FRRS1: variants seen among roughly 807,000 people sequenced by gnomAD.
FRRS1 encodes ferric reductase 1.
A neutral mutation model predicts 70.7 loss-of-function variants in FRRS1; 51 were observed. That is an observed-to-expected ratio of 0.72 (90% CI 0.58 to 0.91). The LOEUF (loss-of-function observed/expected upper bound fraction) is 0.91. FRRS1 is among the 40% of genes least tolerant of loss of function. The pLI is 0.00. For synonymous variants in FRRS1, 225 were observed against 238.7 expected (o/e 0.94, Z 0.53); for missense variants, 672 against 726.0 (o/e 0.93, Z 0.86).
Position 99,704,572 on chromosome 1 carries a change from G to A in FRRS1, c.*4456C>T, listed in dbSNP as rs1346802023. ...GAGGACAGGCACCCCTGCCTTCAGC[G>A]CCCAAATGTTGCATTTCCTAAGACC... is the stretch of plus-strand genomic sequence containing the variant. On this transcript the variant is annotated 3_prime_UTR_variant, in exon 17 of 17. Coordinates refer to ENST00000646001, the MANE Select transcript of FRRS1 (RefSeq NM_001361041.2). Among the ~76,000 whole-genome samples, 1 of 152,104 alleles carries A rather than the reference G, an allele frequency of 6.6e-6. No homozygotes were observed. The highest frequency in any genetic ancestry group is 1.5e-5 in the Non-Finnish European group (1 of 68,030).
At chr1:99,730,825 C>T (rs985885518) in intron 7 of FRRS1, among the ~76,000 whole-genome samples, 1 of 150,086 alleles carries the variant, frequency 6.7e-6, no homozygotes, top group African/African-American at 2.5e-5. Context: ...CGAGATCGCG[C>T]CACTGCACTC....
intron 1 of FRRS1, among the ~76,000 whole-genome samples, chr1:99,757,489 C>T (rs1435723809): frequency 6.6e-6 from 1 of 152,160 alleles, no homozygotes; most frequent in African/African-American, 2.4e-5. Context: ...TCACTTCATT[C>T]CATTTGTGAG....
At chr1:99,732,913 A>G (rs1655467753) in intron 7 of FRRS1, among the ~76,000 whole-genome samples, 1 of 151,354 alleles carries the variant, frequency 6.6e-6, no homozygotes. Context: ...GTGCAAATAC[A>G]GCTCACTGCA....
chr1:99,749,262 G>T lies in FRRS1; in HGVS notation c.-105-261C>A, dbSNP rs1387982779. Among the ~76,000 whole-genome samples the T allele has an allele frequency of 2.6e-5, 4 of 152,136 alleles. No individual in the cohort carries two copies. In the South Asian group the frequency reaches 6.2e-4, roughly 24 times the overall value. ...GCTGGTCTCGAACTCCTGACCTTAG[G>T]TGATCCGCCCACCTTGGCCTCCCAA... On this transcript the variant is annotated intron_variant, in intron 1 of 16. Transcript: ENST00000646001.
At position 99,747,410 on chromosome 1, in the gene FRRS1, A is replaced by C. The variant is rs1457136002; in HGVS notation, c.217T>G (p.Phe73Val). The change falls in exon 4 of 17, where the codon TTT becomes GTT. Residue 73 changes from phenylalanine (F) to valine (V), a missense_variant. Phe to Val is a conservative substitution (Grantham distance 50). Coordinates refer to ENST00000646001, the MANE Select transcript of FRRS1 (RefSeq NM_001361041.2). Reference protein sequence around the residue: ...QIEVTLSGHPFKGFLLEARNA... With the variant: ...QIEVTLSGHPVKGFLLEARNA... ...CGCGCTTCTAGGAGAAAGCCTTTAA[A>C]TGGATGCCCTGACAAAGTAACTGAG... 3 of 1,612,078 alleles carry C rather than the reference A, an allele frequency of 1.9e-6. No homozygotes were observed. Among genetic ancestry groups the C allele is most frequent in the Non-Finnish European group, 2.5e-6 (3 of 1,179,434 alleles).
chr1:99,740,871 A>T lies in FRRS1; in HGVS notation c.498T>A (p.Asn166Lys). The T allele has an allele frequency of 6.8e-6, 11 of 1,611,636 alleles. No individual in the cohort carries two copies. Among genetic ancestry groups the T allele is most frequent in the Non-Finnish European group, 9.3e-6 (11 of 1,177,726 alleles). The change falls in exon 6 of 17, where the codon AAT becomes AAA. Residue 166 changes from asparagine (N) to lysine (K), a missense_variant. Coordinates refer to ENST00000646001, the MANE Select transcript of FRRS1 (RefSeq NM_001361041.2). ...KIPGPIISQP[N>K]AFPFTTPKAT... is the part of the protein sequence containing the mutation. ...CTTTAGGTGTTGTAAAAGGAAATGC[A>T]TTTGGTTGTGAAATTATAGGACCAG...
intron 3 of FRRS1, chr1:99,747,675 G>A (rs1319856464): frequency 2.4e-6 from 1 of 419,962 alleles, no homozygotes; most frequent in Admixed American, 4.2e-5. Flanking sequence ...AATAGGTGAT[G>A]GTCCAGGGGC....
chr1:99,717,767 T>C (rs1344662358), intron 10 of FRRS1, among the ~76,000 whole-genome samples: 1 of 152,236 alleles, frequency 6.6e-6, no homozygotes, highest in Non-Finnish European at 1.5e-5. Flanking sequence ...ACTAATTTAG[T>C]TGATCTTTAC....
intron 7 of FRRS1, among the ~76,000 whole-genome samples, chr1:99,733,140 C>A (rs184422956): frequency 1.3e-5 from 2 of 152,106 alleles, no homozygotes; most frequent in Non-Finnish European, 2.9e-5. Flanking sequence ...TGAGCCACCA[C>A]GCCCAGCCAA....
intron 12 of FRRS1, among the ~76,000 whole-genome samples, chr1:99,715,161 A>G (rs189155681): frequency 6.4e-4 from 98 of 152,210 alleles, no homozygotes; most frequent in African/African-American, 2.3e-3. Context: ...CCAGCCTGAG[A>G]TTTAAATTAG....
intron 7 of FRRS1, among the ~76,000 whole-genome samples, chr1:99,730,569 T>A (rs1364375497): frequency 6.6e-6 from 1 of 151,802 alleles, no homozygotes; most frequent in Admixed American, 6.6e-5. Context: ...AAAAATTTTT[T>A]AAAAATCAGC....
At chr1:99,757,523 G>C (rs1656896734) in intron 1 of FRRS1, among the ~76,000 whole-genome samples, 1 of 152,072 alleles carries the variant, frequency 6.6e-6, no homozygotes, top group Non-Finnish European at 1.5e-5. Flanking sequence ...TATAAATATG[G>C]CAAATAAATT....
chr1:99,757,422 A>C (rs1656892178), intron 1 of FRRS1, among the ~76,000 whole-genome samples: 1 of 152,182 alleles, frequency 6.6e-6, no homozygotes, highest in South Asian at 2.1e-4. Context: ...CAAAGGAACA[A>C]ACAGGCTAAG....
At chr1:99,730,606 G>T (rs916993301) in intron 7 of FRRS1, among the ~76,000 whole-genome samples, 1 of 152,040 alleles carries the variant, frequency 6.6e-6, no homozygotes, top group African/African-American at 2.4e-5. Flanking sequence ...GGTGGCTCAC[G>T]CCTGTAGTCC....
intron 14 of FRRS1, chr1:99,711,205 C>T: frequency 2.3e-6 from 1 of 427,768 alleles, no homozygotes; most frequent in Non-Finnish European, 4.3e-6. Flanking sequence ...GGAGTTTGGC[C>T]TTCTAGTGAA....
At chr1:99,712,032 T>C in intron 14 of FRRS1, 73 bp downstream of exon 14, 1 of 1,060,888 alleles carries the variant, frequency 9.4e-7, no homozygotes. Flanking sequence ...TAAAAATCAT[T>C]TAAGCCAAAT....
At chr1:99,757,487 T>C (rs1039877480) in intron 1 of FRRS1, among the ~76,000 whole-genome samples, 4 of 152,210 alleles carry the variant, frequency 2.6e-5, no homozygotes, top group Non-Finnish European at 5.9e-5. Flanking sequence ...TCTCACTTCA[T>C]TCCATTTGTG....
chr1:99,708,963 C>T lies in FRRS1; in HGVS notation c.*65G>A, dbSNP rs1654146276. 6.2e-7 allele frequency: 1 copy of T among 1,613,874 alleles called. No individual in the cohort carries two copies. Among genetic ancestry groups the T allele is most frequent in the African/African-American group, 1.3e-5 (1 of 74,858 alleles). The stretch of plus-strand genomic sequence containing the variant: ...ATATGCTCCAGGCAGTCAGGACAGG[C>T]TTCAAGTTTCTTTGGTTTGATGATA... On this transcript the variant is annotated 3_prime_UTR_variant, in exon 17 of 17. Coordinates refer to ENST00000646001, the MANE Select transcript of FRRS1 (RefSeq NM_001361041.2).
intron 1 of FRRS1, among the ~76,000 whole-genome samples, chr1:99,754,513 G>A (rs939162773): frequency 6.6e-6 from 1 of 151,822 alleles, no homozygotes; most frequent in African/African-American, 2.4e-5. Flanking sequence ...GAGAAAGAGA[G>A]AGAGAGAGAG....
Sources: gnomAD v4.1 joint callset for allele counts (sites outside exome capture counted in the v4.1 genomes callset) on GRCh38, gnomAD v4.1.1 for gene constraint, MANE v1.5 for transcripts, NCBI Gene and HGNC (gene_info 2026-07-23, HGNC 2026-07-21) for gene names.